The following CDH20 variants were observed in gnomAD, a reference collection of about 807,000 sequenced individuals.
The protein encoded by CDH20 is cadherin 20, also known as cadherin-20.
In CDH20, 29 loss-of-function variants were observed where a neutral mutation model predicts 74.2. The observed-to-expected ratio is 0.39, with a 90% CI of 0.29 to 0.53. CDH20 has a LOEUF of 0.53. Ranked by LOEUF, CDH20 falls within the 20% of genes least tolerant of loss-of-function variation. The pLI is 0.69. For missense variants in CDH20, 988 were observed against 1,048.3 expected (o/e 0.94, Z 0.79); for synonymous variants, 469 against 405.4 (o/e 1.16, Z -1.88).
chr18:61,490,280 G>A (rs1335567161), intron 1 of CDH20, 122 bp from the exon 2 acceptor site: 1 of 370,438 alleles, frequency 2.7e-6, no homozygotes, highest in Non-Finnish European at 5.0e-6. Context: ...GCAATAACCT[G>A]TTATGACTTT....
intron 8 of CDH20, 43 bp downstream of exon 8, chr18:61,536,672 T>C: frequency 1.3e-6 from 2 of 1,560,082 alleles, no homozygotes; most frequent in Non-Finnish European, 1.8e-6. Context: ...TGACAAAATA[T>C]AGGTGTTATA....
intron 6 of CDH20, among the ~76,000 whole-genome samples, chr18:61,511,910 A>G (rs771625345): frequency 2.0e-5 from 3 of 152,254 alleles, no homozygotes; most frequent in Admixed American, 6.5e-5. Flanking sequence ...AAAAAGGTCA[A>G]TAAGTTGGGT....
chr18:61,434,033 T>A (rs1473802980), intron 1 of CDH20, among the ~76,000 whole-genome samples: 1 of 152,128 alleles, frequency 6.6e-6, no homozygotes, highest in East Asian at 1.9e-4. Flanking sequence ...CATATGTATA[T>A]GTACTCTTTT....
intron 1 of CDH20, among the ~76,000 whole-genome samples, chr18:61,379,589 T>A (rs1370420641): frequency 6.6e-6 from 1 of 152,218 alleles, no homozygotes; most frequent in African/African-American, 2.4e-5. Context: ...TAATTTTTGG[T>A]ATCGTGAGAT....
At chr18:61,465,690 G>A (rs2144367340) in intron 1 of CDH20, among the ~76,000 whole-genome samples, 1 of 152,018 alleles carries the variant, frequency 6.6e-6, no homozygotes. Context: ...TTGAAATGAA[G>A]CAAGAAGGTC....
intron 1 of CDH20, among the ~76,000 whole-genome samples, chr18:61,402,192 A>AAGC (rs1388725794): frequency 8.5e-5 from 13 of 152,138 alleles, no homozygotes; most frequent in African/African-American, 3.1e-4. Flanking sequence ...TGGAACTGGA[A>AAGC]AGCATTCTGG....
chr18:61,481,529 T>C (rs1218716428), intron 1 of CDH20, among the ~76,000 whole-genome samples: 2 of 152,226 alleles, frequency 1.3e-5, no homozygotes, highest in Admixed American at 1.3e-4. Context: ...GAAGACAAGG[T>C]TTTACTTTCC....
intron 1 of CDH20, among the ~76,000 whole-genome samples, chr18:61,440,800 A>T (rs148833399): frequency 6.6e-6 from 1 of 152,142 alleles, no homozygotes; most frequent in Non-Finnish European, 1.5e-5. Flanking sequence ...GGAACATGGG[A>T]TGGGGGAAGG....
intron 1 of CDH20, among the ~76,000 whole-genome samples, chr18:61,412,503 T>C (rs1599067586): frequency 6.6e-6 from 1 of 152,206 alleles, no homozygotes; most frequent in East Asian, 1.9e-4. Context: ...CACAGATACA[T>C]GTCCAAAAAA....
chr18:61,555,621 AC>A lies in CDH20; in HGVS notation c.*928del. The A allele has an allele frequency of 2.0e-6, 2 of 984,408 alleles. No individual in the cohort carries two copies. Among genetic ancestry groups the A allele is most frequent in the Non-Finnish European group, 1.2e-6 (1 of 828,970 alleles). The allele number at this position is 984,408 out of a possible 1,614,324, so 61.0% of individuals were successfully genotyped here. On this transcript the variant is annotated 3_prime_UTR_variant, in exon 12 of 12. Transcript: ENST00000262717. ...AAGGGATGTTTACATACTGTAGATA[AC>A]CTACTTGAACAAAAATCAGTATTAT...
At position 61,554,311 on chromosome 18, in the gene CDH20, C is replaced by T; in HGVS notation, c.2022C>T (p.Asp674=). The change falls in exon 12 of 12, where the codon GAC becomes GAT. Residue 674 remains aspartate (D), a synonymous_variant. Transcript: ENST00000262717. ...ACGACGAGGGCGGCGGCGAGGAGGACACCGAGGCCTTCGACATCGCGGCCA... is the reference window on the plus strand; with the variant it reads ...ACGACGAGGGCGGCGGCGAGGAGGATACCGAGGCCTTCGACATCGCGGCCA... The part of the protein sequence containing the change: ...RYDDEGGGEE[D]TEAFDIAAMW... The T allele has an allele frequency of 6.2e-7, 1 of 1,613,842 alleles. No individual in the cohort carries two copies. The highest frequency in any genetic ancestry group is 8.5e-7 in the Non-Finnish European group (1 of 1,179,992).
chr18:61,496,009 C>A (rs1341691045), intron 2 of CDH20, among the ~76,000 whole-genome samples: 2 of 144,566 alleles, frequency 1.4e-5, no homozygotes, highest in African/African-American at 2.6e-5. Context: ...TCTTCCCTCT[C>A]CCCTCCACCC....
intron 1 of CDH20, among the ~76,000 whole-genome samples, chr18:61,417,318 A>C (rs1912718772): frequency 6.6e-6 from 1 of 152,134 alleles, no homozygotes; most frequent in Non-Finnish European, 1.5e-5. Context: ...GACATTATCC[A>C]ACCATAGAAT....
intron 1 of CDH20, among the ~76,000 whole-genome samples, chr18:61,417,821 T>C (rs553168450): frequency 6.6e-6 from 1 of 152,288 alleles, no homozygotes; most frequent in East Asian, 1.9e-4. Flanking sequence ...GCAGTGTTCC[T>C]AACACAAGTA....
intron 1 of CDH20, among the ~76,000 whole-genome samples, chr18:61,484,659 TG>T (rs1236448392): frequency 1.3e-5 from 2 of 152,094 alleles, no homozygotes; most frequent in African/African-American, 4.8e-5. Context: ...AGTTTTATTA[TG>T]GGACTGACCA....
chr18:61,523,855 T>C (rs1401891381), intron 6 of CDH20, among the ~76,000 whole-genome samples: 1 of 151,842 alleles, frequency 6.6e-6, no homozygotes, highest in Non-Finnish European at 1.5e-5. Context: ...AAGTGGGAAG[T>C]GAACAATGAG....
chr18:61,388,140 A>AG (rs1285010300), intron 1 of CDH20, among the ~76,000 whole-genome samples: 1 of 152,172 alleles, frequency 6.6e-6, no homozygotes, highest in Non-Finnish European at 1.5e-5. Flanking sequence ...TCCAGGAAGG[A>AG]GGAGGCGCCA....
In CDH20 at chr18:61,507,465, G is replaced by A. The variant is rs144674172; in HGVS notation, c.922G>A (p.Glu308Lys). 165 of 1,613,898 alleles carry A rather than the reference G, an allele frequency of 1.0e-4. No individual in the cohort carries two copies. Among genetic ancestry groups the A allele is most frequent in the Non-Finnish European group, 1.4e-4 (162 of 1,179,924 alleles). Residue 308 changes from glutamate to lysine, a missense_variant, in exon 6 of 12, where the codon GAG becomes AAG. Glu to Lys is a moderately conservative substitution (Grantham distance 56, BLOSUM62 1). Coordinates refer to ENST00000262717, the MANE Select transcript of CDH20 (RefSeq NM_031891.4). ...AKDLDEGINA[E>K]MKYTIVDGDG... ...GGACTTGGATGAAGGCATCAATGCAGAGATGAAATATACTATTGTGGATGG... is the reference window on the plus strand; with the variant it reads ...GGACTTGGATGAAGGCATCAATGCAAAGATGAAATATACTATTGTGGATGG...
chr18:61,508,701 A>G (rs1000466161), intron 6 of CDH20, among the ~76,000 whole-genome samples: 3 of 152,130 alleles, frequency 2.0e-5, no homozygotes. Flanking sequence ...CAGTGGCGCA[A>G]TCTCGGCTCA....
Sources: gnomAD v4.1 joint callset for allele counts (sites outside exome capture counted in the v4.1 genomes callset) on GRCh38, gnomAD v4.1.1 for gene constraint, MANE v1.5 for transcripts, NCBI Gene and HGNC (gene_info 2026-07-23, HGNC 2026-07-21) for gene names.